CTNNA3: variants seen among roughly 807,000 people sequenced by gnomAD.
CTNNA3 encodes the protein catenin alpha 3.
In CTNNA3, 76 loss-of-function variants were observed where a neutral mutation model predicts 95.7. The observed-to-expected ratio is 0.79, with a 90% confidence interval of 0.66 to 0.96. CTNNA3 has a LOEUF of 0.96. CTNNA3 is among the 40% of genes least tolerant of loss of function. The pLI is 0.00. For synonymous variants in CTNNA3, 431 were observed against 374.4 expected, an observed-to-expected ratio of 1.15 and a Z score of -1.74; for missense variants, 1,191 against 1,089.8, an observed-to-expected ratio of 1.09 and a Z score of -1.31.
In CTNNA3 at chr10:66,106,776, TC is replaced by T. The variant is rs143486880; in HGVS notation, c.1885-3528del. On this transcript the variant is annotated intron_variant, in intron 13 of 17. Coordinates refer to ENST00000433211, the MANE Select transcript of CTNNA3 (RefSeq NM_013266.4). ...TTATCCAAATTTTAATCACCTTTAT[TC>T]CAAATTTAATAATTTTAATCCAGTA... is the stretch of plus-strand genomic sequence containing the variant. Among the ~76,000 whole-genome samples the T allele has an allele frequency of 7.2e-5, 11 of 152,316 alleles. No homozygotes were observed. The East Asian group carries it at 2.1e-3, about 29-fold the overall frequency.
chr10:66,944,142 ACTT>A (rs1279859931), intron 7 of CTNNA3, among the ~76,000 whole-genome samples: 6 of 152,196 alleles, frequency 3.9e-5, no homozygotes, highest in Non-Finnish European at 2.9e-5. Flanking sequence ...TCACAGTAGA[ACTT>A]CTTTCAAAAT....
At chr10:66,001,361 C>CT (rs2078766711) in intron 15 of CTNNA3, among the ~76,000 whole-genome samples, 1 of 151,986 alleles carries the variant, frequency 6.6e-6, no homozygotes, top group African/African-American at 2.4e-5. Flanking sequence ...TTGATGTTTT[C>CT]TTTTTTATAA....
At position 66,970,072 on chromosome 10, in the gene CTNNA3, C is replaced by A. The variant is rs577958692; in HGVS notation, c.1048-194548G>T. ...GTTTAATGCGTGGCACCTATCTCAA[C>A]AACTGCAAAATCACTGTAACTTGTA... On this transcript the variant is annotated intron_variant, in intron 7 of 17. Transcript: ENST00000433211. Among the ~76,000 whole-genome samples, 9 of 152,248 alleles carry A rather than the reference C, an allele frequency of 5.9e-5. No homozygotes were observed. In the South Asian group the frequency reaches 8.3e-4, roughly 14 times the overall value.
At chr10:66,136,467 GT>G (rs2133864709) in intron 13 of CTNNA3, among the ~76,000 whole-genome samples, 1 of 150,484 alleles carries the variant, frequency 6.6e-6, no homozygotes, top group South Asian at 2.1e-4. Context: ...TTGGATAATA[GT>G]TTTCAAACAC....
At chr10:67,489,510 A>G (rs1437006046) in intron 5 of CTNNA3, among the ~76,000 whole-genome samples, 1 of 152,168 alleles carries the variant, frequency 6.6e-6, no homozygotes, top group African/African-American at 2.4e-5. Context: ...CCAAACATTT[A>G]AGCGTGGAAA....
intron 7 of CTNNA3, among the ~76,000 whole-genome samples, chr10:66,788,698 T>G (rs991985472): frequency 1.3e-5 from 2 of 151,914 alleles, no homozygotes; most frequent in African/African-American, 4.8e-5. Flanking sequence ...AGATTTAACA[T>G]TATGCAGCAA....
chr10:66,215,103 T>C (rs2088437880), intron 13 of CTNNA3, among the ~76,000 whole-genome samples: 1 of 152,062 alleles, frequency 6.6e-6, no homozygotes, highest in Non-Finnish European at 1.5e-5. Context: ...GAATCTCATG[T>C]GCACAGAGTA....
chr10:66,894,239 G>A (rs1845386225), intron 7 of CTNNA3, among the ~76,000 whole-genome samples: 1 of 151,972 alleles, frequency 6.6e-6, no homozygotes, highest in Non-Finnish European at 1.5e-5. Flanking sequence ...TTAATAACTT[G>A]AGCAGAGTTT....
At chr10:66,592,053 G>T (rs1054924914) in intron 10 of CTNNA3, among the ~76,000 whole-genome samples, 3 of 150,662 alleles carry the variant, frequency 2.0e-5, no homozygotes, top group Non-Finnish European at 4.4e-5. Flanking sequence ...TATAGTTATT[G>T]CTGTTAAATG....
intron 1 of CTNNA3, among the ~76,000 whole-genome samples, chr10:67,726,601 CATATTATATAATATATAATAT>C (rs1339771150): frequency 4.3e-3 from 97 of 22,422 alleles, no homozygotes; most frequent in African/African-American, 0.016. Context: ...TATTATATTA[CATATTATATAATATATAATAT>C]ATATTATATT....
At chr10:67,132,183 T>C (rs1860045481) in intron 7 of CTNNA3, among the ~76,000 whole-genome samples, 1 of 152,130 alleles carries the variant, frequency 6.6e-6, no homozygotes, top group African/African-American at 2.4e-5. Context: ...ATATGACTCT[T>C]ATGTTTCTAG....
At chr10:67,023,286 T>C (rs1853144472) in intron 7 of CTNNA3, among the ~76,000 whole-genome samples, 1 of 152,160 alleles carries the variant, frequency 6.6e-6, no homozygotes, top group Non-Finnish European at 1.5e-5. Flanking sequence ...CCAGGGAATG[T>C]GAAACTGCTG....
At chr10:66,724,217 T>C (rs1848714138) in intron 9 of CTNNA3, among the ~76,000 whole-genome samples, 1 of 152,200 alleles carries the variant, frequency 6.6e-6, no homozygotes, top group African/African-American at 2.4e-5. Context: ...AGTTAGCTCA[T>C]TAAATGTTCT....
intron 11 of CTNNA3, among the ~76,000 whole-genome samples, chr10:66,470,387 T>C (rs1839083704): frequency 6.6e-6 from 1 of 151,846 alleles, no homozygotes; most frequent in Admixed American, 6.6e-5. Context: ...GATTTGTAGA[T>C]AAGATGAGGT....
chr10:66,083,685 T>C (rs1236099579), intron 14 of CTNNA3, among the ~76,000 whole-genome samples: 2 of 152,164 alleles, frequency 1.3e-5, no homozygotes, highest in Non-Finnish European at 2.9e-5. Flanking sequence ...TCCTATGTAT[T>C]GTGGAAACCA....
intron 7 of CTNNA3, among the ~76,000 whole-genome samples, chr10:67,171,783 ATAAAT>A (rs1862033108): frequency 6.6e-6 from 1 of 152,100 alleles, no homozygotes; most frequent in Admixed American, 6.6e-5. Flanking sequence ...AAATAAAAAG[ATAAAT>A]TAATATATTT....
At chr10:66,380,278 G>C (rs918871801) in intron 11 of CTNNA3, among the ~76,000 whole-genome samples, 4 of 151,846 alleles carry the variant, frequency 2.6e-5, no homozygotes, top group African/African-American at 9.7e-5. Flanking sequence ...TTATTCTTCA[G>C]TTTTCTTTCA....
intron 7 of CTNNA3, among the ~76,000 whole-genome samples, chr10:66,790,876 C>G (rs1337099709): frequency 6.6e-6 from 1 of 152,152 alleles, no homozygotes. Context: ...AGCCCAAAAT[C>G]TAGAAGTTGC....
intron 1 of CTNNA3, among the ~76,000 whole-genome samples, chr10:67,716,989 T>C (rs1278605804): frequency 6.6e-6 from 1 of 152,210 alleles, no homozygotes; most frequent in African/African-American, 2.4e-5. Context: ...ATCTGTTGTT[T>C]CCTGATTTTT....
Sources: allele counts gnomAD v4.1 joint callset (sites outside exome capture counted in the v4.1 genomes callset), GRCh38; gene constraint gnomAD v4.1.1; transcripts MANE v1.5; gene names NCBI Gene and HGNC (gene_info 2026-07-23, HGNC 2026-07-21).